The following DENND1B variants were observed in gnomAD, a reference collection of about 807,000 sequenced individuals.
DENND1B encodes DENN domain-containing protein 1B.
Under a neutral mutation model 90.1 loss-of-function variants are expected in DENND1B, and 59 were observed. The observed-to-expected ratio is 0.65, with a 90% confidence interval of 0.53 to 0.81. DENND1B has a LOEUF of 0.81. DENND1B is among the 40% of genes least tolerant of loss of function. DENND1B has a pLI of 0.00. For synonymous variants in DENND1B, 337 were observed against 324.6 expected, an observed-to-expected ratio of 1.04 and a Z score of -0.41; for missense variants, 862 against 912.6, an observed-to-expected ratio of 0.94 and a Z score of 0.71.
intron 15 of DENND1B, among the ~76,000 whole-genome samples, chr1:197,577,016 T>G (rs1236664690): frequency 6.6e-6 from 1 of 152,152 alleles, no homozygotes; most frequent in East Asian, 1.9e-4. Context: ...ATGAGGCTCT[T>G]GGATTGACAC....
intron 15 of DENND1B, among the ~76,000 whole-genome samples, chr1:197,581,051 A>C (rs1439414937): frequency 1.3e-5 from 2 of 152,196 alleles, no homozygotes; most frequent in Non-Finnish European, 2.9e-5. Context: ...CTAAGAGATA[A>C]CCTGAATAAT....
At chr1:197,547,006 C>G (rs1670859445) in intron 16 of DENND1B, among the ~76,000 whole-genome samples, 1 of 152,170 alleles carries the variant, frequency 6.6e-6, no homozygotes, top group Middle Eastern at 3.2e-3. Flanking sequence ...ATACAACTTA[C>G]CTAATCTTTC....
At chr1:197,542,416 T>C (rs1670400991) in intron 18 of DENND1B, among the ~76,000 whole-genome samples, 1 of 152,182 alleles carries the variant, frequency 6.6e-6, no homozygotes, top group African/African-American at 2.4e-5. Context: ...ATTTCTGTAG[T>C]ATGTTCAAAG....
At chr1:197,608,513 T>G (rs1676890475) in intron 12 of DENND1B, among the ~76,000 whole-genome samples, 1 of 150,718 alleles carries the variant, frequency 6.6e-6, no homozygotes, top group Non-Finnish European at 1.5e-5. Context: ...GTAACTATAG[T>G]ATAACTACAG....
At chr1:197,738,993 C>A (rs978123946) in intron 2 of DENND1B, among the ~76,000 whole-genome samples, 1 of 152,132 alleles carries the variant, frequency 6.6e-6, no homozygotes, top group Admixed American at 6.5e-5. Flanking sequence ...CGAAGCTGCA[C>A]AGGAATAGAG....
chr1:197,625,092 T>C (rs961763970), intron 10 of DENND1B, among the ~76,000 whole-genome samples: 1 of 152,038 alleles, frequency 6.6e-6, no homozygotes, highest in African/African-American at 2.4e-5. Flanking sequence ...GAAAACACTC[T>C]GCAGGATATT....
At chr1:197,529,219 T>C in intron 20 of DENND1B, among the ~76,000 whole-genome samples, 1 of 17,414 alleles carries the variant, frequency 5.7e-5, no homozygotes, top group Non-Finnish European at 1.5e-4. Flanking sequence ...TATATATATA[T>C]ATATATATAT....
At chr1:197,629,255 T>C (rs1679093332) in intron 10 of DENND1B, among the ~76,000 whole-genome samples, 1 of 151,892 alleles carries the variant, frequency 6.6e-6, no homozygotes, top group Non-Finnish European at 1.5e-5. Flanking sequence ...CTATTCACAA[T>C]AGCAAAGACT....
chr1:197,519,654 T>C (rs1668635190), intron 20 of DENND1B, among the ~76,000 whole-genome samples: 1 of 152,068 alleles, frequency 6.6e-6, no homozygotes, highest in Non-Finnish European at 1.5e-5. Flanking sequence ...CTTCAGGAAG[T>C]TGACCTAGTG....
intron 10 of DENND1B, among the ~76,000 whole-genome samples, chr1:197,621,363 A>G (rs1228946031): frequency 6.6e-6 from 1 of 151,328 alleles, no homozygotes; most frequent in African/African-American, 2.4e-5. Flanking sequence ...ATTCTGGATG[A>G]CATTTTTACA....
At chr1:197,673,269 CT>C (rs1407069539) in intron 4 of DENND1B, among the ~76,000 whole-genome samples, 2 of 151,806 alleles carry the variant, frequency 1.3e-5, no homozygotes, top group African/African-American at 2.4e-5. Context: ...AAACGTGTAA[CT>C]TTTTTTGGTA....
intron 5 of DENND1B, among the ~76,000 whole-genome samples, chr1:197,664,054 A>G (rs781411279): frequency 6.6e-6 from 1 of 151,792 alleles, no homozygotes; most frequent in Non-Finnish European, 1.5e-5. Context: ...AAATACTGTA[A>G]ATTATATAAG....
chr1:197,734,755 G>A (rs575454003), intron 2 of DENND1B: 240 of 982,838 alleles, frequency 2.4e-4, no homozygotes, highest in Non-Finnish European at 2.8e-4. Context: ...ACTCCATAGA[G>A]TAATATAAAT....
chr1:197,512,946 A>G lies in DENND1B; in HGVS notation c.1523T>C (p.Leu508Ser). The G allele has an allele frequency of 1.2e-6, 2 of 1,609,468 alleles. No individual in the cohort carries two copies. Among genetic ancestry groups the G allele is most frequent in the Non-Finnish European group, 1.7e-6 (2 of 1,177,416 alleles). ...ATCAAGGCTCTTAAGAGGCCTTTTT[A>G]AGCGTGCCTGGAGAGAGAGATTGAC... ...SEKRKLAQAR[L>S]KRPLKSLDGA... Residue 508 changes from leucine (L) to serine (S), a missense_variant, in exon 21 of 23, where the codon TTA (leucine) becomes TCA (serine). Coordinates refer to ENST00000620048, the MANE Select transcript of DENND1B (RefSeq NM_001195215.2).
chr1:197,538,364 T>C (rs1381088405), intron 20 of DENND1B, among the ~76,000 whole-genome samples: 1 of 152,178 alleles, frequency 6.6e-6, no homozygotes, highest in Non-Finnish European at 1.5e-5. Context: ...CATTAATAAA[T>C]GTTCTCCAGT....
rs1445393692 is a variant in DENND1B at position 197,635,781 on chromosome 1, C to T, written c.672+6930G>A. ...ACACTGGTTACTCATACAAACTAAG[C>T]CTTCTGTAAAGCAAACCAGATTTTG... On this transcript the variant is annotated intron_variant, in intron 10 of 22. Coordinates refer to ENST00000620048, the MANE Select transcript of DENND1B (RefSeq NM_001195215.2). Among the ~76,000 whole-genome samples, 6 of 152,056 alleles carry T rather than the reference C, an allele frequency of 3.9e-5. 1 individual carries two copies. In the South Asian group the frequency reaches 8.3e-4, roughly 21 times the overall value.
chr1:197,722,865 T>C (rs976551438), intron 2 of DENND1B, among the ~76,000 whole-genome samples: 1 of 152,202 alleles, frequency 6.6e-6, no homozygotes, highest in Non-Finnish European at 1.5e-5. Context: ...TTGTTCACCA[T>C]TCTAAAAATG....
intron 18 of DENND1B, among the ~76,000 whole-genome samples, chr1:197,544,804 A>AGAAGGGGAAGAGGAG (rs1670607389): frequency 7.8e-6 from 1 of 128,246 alleles, no homozygotes; most frequent in African/African-American, 2.7e-5. Flanking sequence ...AGGAGGAAGA[A>AGAAGGGGAAGAGGAG]GAAGAAGAGG....
rs1175562339 is a variant in DENND1B at position 197,509,212 on chromosome 1, C to G, written c.*1248G>C. 6.6e-6 allele frequency: 1 copy of G among 151,712 alleles called. No homozygotes were observed. Among genetic ancestry groups the G allele is most frequent in the Non-Finnish European group, 1.5e-5 (1 of 67,832 alleles). 9.4% of individuals were successfully genotyped at this position (151,712 alleles called of 1,614,324 possible). A position where few individuals can be genotyped will look rare whatever the true frequency, so the allele number is the denominator to read the frequency against. ...AATCATGAAAAAAATACCCAACAAA[C>G]TCCAAGAGAGGAGCATGCTACAATT... is the stretch of plus-strand genomic sequence containing the variant. On this transcript the variant is annotated 3_prime_UTR_variant, in exon 23 of 23. Coordinates refer to ENST00000620048, the MANE Select transcript of DENND1B (RefSeq NM_001195215.2).
Sources: allele counts gnomAD v4.1 joint callset (sites outside exome capture counted in the v4.1 genomes callset), GRCh38; gene constraint gnomAD v4.1.1; transcripts MANE v1.5; gene names NCBI Gene and HGNC (gene_info 2026-07-23, HGNC 2026-07-21).